The following ANKRD30BL variants were observed in gnomAD, a reference collection of about 807,000 sequenced individuals.
ANKRD30BL encodes putative ankyrin repeat domain-containing protein 30B-like.
Under a neutral mutation model 18.4 loss-of-function variants are expected in ANKRD30BL, and 20 were observed. The observed-to-expected ratio is 1.09, with a 90% CI of 0.77 to 1.58. ANKRD30BL has a LOEUF of 1.58. Ranked by LOEUF, ANKRD30BL falls within the 40% of genes most tolerant of loss-of-function variation. The pLI is 0.00. For missense variants in ANKRD30BL, 224 were observed against 268.6 expected, an observed-to-expected ratio of 0.83 and a Z score of 1.16; for synonymous variants, 72 against 100.9, an observed-to-expected ratio of 0.71 and a Z score of 1.72.
intron 1 of ANKRD30BL, among the ~76,000 whole-genome samples, chr2:132,184,848 C>G (rs1030817308): frequency 6.6e-6 from 1 of 151,040 alleles, no homozygotes; most frequent in Non-Finnish European, 1.5e-5. Flanking sequence ...GAGTCTAACT[C>G]TGTCACCCAG....
At chr2:132,231,579 G>C (rs1680014615) in intron 1 of ANKRD30BL, among the ~76,000 whole-genome samples, 1 of 152,214 alleles carries the variant, frequency 6.6e-6, no homozygotes, top group South Asian at 2.1e-4. Flanking sequence ...AGGGGTGACA[G>C]ATGCACCTGG....
intron 1 of ANKRD30BL, among the ~76,000 whole-genome samples, chr2:132,244,494 C>G (rs796431126): frequency 6.6e-6 from 1 of 151,976 alleles, no homozygotes. Context: ...GTTGAACATT[C>G]CTTTTCATAG....
intron 1 of ANKRD30BL, among the ~76,000 whole-genome samples, chr2:132,196,011 G>A (rs1260698201): frequency 6.6e-6 from 1 of 151,222 alleles, no homozygotes; most frequent in African/African-American, 2.4e-5. Flanking sequence ...GCATGGTGGT[G>A]GGCACCTGTA....
chr2:132,244,915 G>GA (rs1314290783), intron 1 of ANKRD30BL, among the ~76,000 whole-genome samples: 1 of 998 alleles, frequency 1.0e-3, no homozygotes, highest in Non-Finnish European at 1.9e-3. Flanking sequence ...GGCCTATGGT[G>GA]AAAAAGGAAA....
intron 5 of ANKRD30BL, among the ~76,000 whole-genome samples, 161 bp downstream of exon 5, chr2:132,150,749 ACT>A (rs1229290245): frequency 1.3e-5 from 2 of 151,998 alleles, no homozygotes; most frequent in Non-Finnish European, 2.9e-5. Context: ...TGAATTATAA[ACT>A]AAAAAATTAA....
intron 1 of ANKRD30BL, among the ~76,000 whole-genome samples, chr2:132,176,399 A>G (rs1342427831): frequency 1.3e-5 from 2 of 152,078 alleles, no homozygotes; most frequent in Admixed American, 1.3e-4. Flanking sequence ...ATGGTGGCAC[A>G]TGCCTGTAAT....
upstream of ANKRD30BL, among the ~76,000 whole-genome samples, chr2:132,162,675 C>T (rs1688106379): frequency 6.6e-6 from 1 of 152,246 alleles, no homozygotes; most frequent in South Asian, 2.1e-4. Flanking sequence ...CAGCTGAGCC[C>T]ACGGTAGAGG....
At chr2:132,215,385 C>G (rs1679472044) in intron 1 of ANKRD30BL, among the ~76,000 whole-genome samples, 1 of 151,986 alleles carries the variant, frequency 6.6e-6, no homozygotes, top group Non-Finnish European at 1.5e-5. Context: ...AGCATTCTGA[C>G]AAACCTATTT....
At chr2:132,240,199 G>A (rs914196742) in intron 1 of ANKRD30BL, among the ~76,000 whole-genome samples, 11 of 151,658 alleles carry the variant, frequency 7.3e-5, no homozygotes, top group African/African-American at 2.2e-4. Flanking sequence ...TTTTTGATGT[G>A]TGTACTCAAA....
intron 1 of ANKRD30BL, among the ~76,000 whole-genome samples, chr2:132,175,371 C>G (rs2104943707): frequency 6.6e-6 from 1 of 152,290 alleles, no homozygotes; most frequent in South Asian, 2.1e-4. Flanking sequence ...TCTCTCTGCC[C>G]AAACATCTCA....
chr2:132,193,269 G>A (rs1213525316), intron 1 of ANKRD30BL, among the ~76,000 whole-genome samples: 1 of 152,134 alleles, frequency 6.6e-6, no homozygotes, highest in East Asian at 1.9e-4. Flanking sequence ...ATGTATCAAG[G>A]TTTATGTAAC....
chr2:132,213,353 G>A (rs1221556096), intron 1 of ANKRD30BL, among the ~76,000 whole-genome samples: 2 of 152,108 alleles, frequency 1.3e-5, no homozygotes, highest in African/African-American at 4.8e-5. Context: ...TCTTTGTGAT[G>A]TGTGCATTCA....
At chr2:132,256,566 G>A (rs780423987) in intron 1 of ANKRD30BL, among the ~76,000 whole-genome samples, 1 of 152,242 alleles carries the variant, frequency 6.6e-6, no homozygotes, top group Non-Finnish European at 1.5e-5. Flanking sequence ...GGGGCATGAA[G>A]GCGGCCCCTC....
At chr2:132,175,163 G>C (rs536591390) in intron 1 of ANKRD30BL, among the ~76,000 whole-genome samples, 37 of 151,880 alleles carry the variant, frequency 2.4e-4, no homozygotes, top group Admixed American at 5.2e-4. Context: ...TACCAAGGAC[G>C]TGCACCAGCA....
At chr2:132,224,924 A>T (rs113800926) in intron 1 of ANKRD30BL, among the ~76,000 whole-genome samples, 3 of 151,946 alleles carry the variant, frequency 2.0e-5, no homozygotes, top group African/African-American at 7.2e-5. Flanking sequence ...CTCTTTGCAG[A>T]ATCTGGAAGT....
intron 1 of ANKRD30BL, among the ~76,000 whole-genome samples, chr2:132,207,806 A>G (rs1379959266): frequency 1.3e-5 from 2 of 152,154 alleles, no homozygotes; most frequent in African/African-American, 4.8e-5. Context: ...TAGCCTGTTC[A>G]TTAATTGGTC....
rs1573795878 is a variant in ANKRD30BL at position 132,150,994 on chromosome 2, A to G, written c.615-18T>C. ...GATGAACGCTATGTATAAAAATGAA[A>G]TAAATAAAATCACTATTTTAACATT... On this transcript the variant is annotated intron_variant, in intron 4 of 5. Transcript: ENST00000409867. 1.7e-6 allele frequency: 1 copy of G among 589,980 alleles called. No individual in the cohort carries two copies. The highest frequency in any genetic ancestry group is 1.9e-5 in the South Asian group (1 of 53,056). 36.5% of individuals were successfully genotyped at this position (589,980 alleles called of 1,614,324 possible). A position where few individuals can be genotyped will look rare whatever the true frequency, so the allele number is the denominator to read the frequency against.
rs575235017 is a variant in ANKRD30BL at position 132,236,447 on chromosome 2, A to T, written n.441+21082T>A. The stretch of plus-strand genomic sequence containing the variant: ...TTACAAGAAAAAAACAAACAACCCC[A>T]TCAAAAAGTGGGCAAAGGACATGAA... On this transcript the variant is annotated intron_variant and non_coding_transcript_variant, in intron 1 of 4. Transcript: ENST00000470729. Among the ~76,000 whole-genome samples, 3 of 152,280 alleles carry T rather than the reference A, an allele frequency of 2.0e-5. No homozygotes were observed. In the South Asian group the frequency reaches 6.2e-4, roughly 32 times the overall value.
Position 132,257,663 on chromosome 2 carries a change from T to G in ANKRD30BL, n.307A>C, listed in dbSNP as rs1163356587. ...CACCTCTCAGATCGCTAGAGAAGGC[T>G]TTCTCACCGAGGGTGGGTCACACTC... is the stretch of plus-strand genomic sequence containing the variant. On this transcript the variant is annotated non_coding_transcript_exon_variant, in exon 1 of 5. Coordinates refer to the ANKRD30BL transcript ENST00000470729. 3 of 157,978 alleles carry G rather than the reference T, an allele frequency of 1.9e-5. No homozygotes were observed. The Admixed American group carries it at 1.9e-4, about 10-fold the overall frequency. 9.8% of individuals were successfully genotyped at this position (157,978 alleles called of 1,614,324 possible).
Sources: allele counts gnomAD v4.1 joint callset (sites outside exome capture counted in the v4.1 genomes callset), GRCh38; gene constraint gnomAD v4.1.1; transcripts MANE v1.5; gene names NCBI Gene and HGNC (gene_info 2026-07-23, HGNC 2026-07-21).